Variants in FSTL5 observed in about 807,000 individuals in gnomAD.
FSTL5 encodes the protein follistatin-related protein 5.
FSTL5 carries 62 observed loss-of-function variants against 89.1 expected under a neutral mutation model. The ratio of observed to expected loss-of-function variants is 0.70; its 90% CI spans 0.57 to 0.86. FSTL5 has a LOEUF of 0.86. Ranked by LOEUF, FSTL5 falls within the 40% of genes least tolerant of loss-of-function variation. The probability of loss-of-function intolerance (pLI) is 0.00; values close to 1 mark genes in which losing one functional copy is unlikely to be tolerated. For missense variants in FSTL5, 1,057 were observed against 1,001.6 expected, an observed-to-expected ratio of 1.06 and a Z score of -0.75; for synonymous variants, 383 against 346.2, an observed-to-expected ratio of 1.11 and a Z score of -1.18.
At chr4:161,637,466 A>C (rs2126663625) in intron 7 of FSTL5, among the ~76,000 whole-genome samples, 1 of 151,462 alleles carries the variant, frequency 6.6e-6, no homozygotes, top group Admixed American at 6.6e-5. Flanking sequence ...TCTTTAGTTT[A>C]ATGAGATCTC....
chr4:161,744,279 G>C (rs1740120030), intron 6 of FSTL5, among the ~76,000 whole-genome samples: 3 of 151,996 alleles, frequency 2.0e-5, no homozygotes, highest in East Asian at 1.9e-4. Flanking sequence ...ACAAATGTAT[G>C]ATTATGATAT....
Position 161,678,047 on chromosome 4 carries a change from T to C in FSTL5, c.728-21553A>G, listed in dbSNP as rs1362468110. Among the ~76,000 whole-genome samples, 4 of 151,732 alleles carry C rather than the reference T, an allele frequency of 2.6e-5. No homozygotes were observed. The East Asian group carries it at 7.7e-4, about 29-fold the overall frequency. Reference sequence around the variant, plus strand: ...CTGCAATGGAATGATGAAAAAATAATAAACAAAAACTTCACTTTTCATAAG... The same window carrying C: ...CTGCAATGGAATGATGAAAAAATAACAAACAAAAACTTCACTTTTCATAAG... On this transcript the variant is annotated intron_variant, in intron 6 of 15. Transcript: ENST00000306100.
intron 4 of FSTL5, among the ~76,000 whole-genome samples, chr4:161,812,239 A>G (rs1278794339): frequency 2.0e-5 from 3 of 152,238 alleles, no homozygotes; most frequent in African/African-American, 7.2e-5. Flanking sequence ...GAAATACTGA[A>G]GCAAACATTC....
chr4:161,500,603 A>G (rs1180565264), intron 11 of FSTL5, among the ~76,000 whole-genome samples: 1 of 152,142 alleles, frequency 6.6e-6, no homozygotes, highest in East Asian at 1.9e-4. Context: ...CAAATGCCCT[A>G]GATTTTGTAG....
At chr4:162,163,212 T>C (rs62331355) in intron 1 of FSTL5, among the ~76,000 whole-genome samples, 63,529 of 151,922 alleles carry the variant, frequency 0.42, 14,410 homozygotes, top group Admixed American at 0.51. Context: ...TATTTGATTA[T>C]ATTTGTTCTA....
intron 7 of FSTL5, among the ~76,000 whole-genome samples, chr4:161,651,557 GAA>G (rs1217859682): frequency 6.6e-6 from 1 of 152,134 alleles, no homozygotes; most frequent in Admixed American, 6.5e-5. Context: ...GAAAGGGAAA[GAA>G]AGAGAAGAGA....
At chr4:161,578,196 T>G (rs548366214) in intron 8 of FSTL5, among the ~76,000 whole-genome samples, 62 of 142,214 alleles carry the variant, frequency 4.4e-4, no homozygotes, top group Admixed American at 2.1e-3. Flanking sequence ...GGACTTTAAG[T>G]AGCCAGTATA....
intron 10 of FSTL5, among the ~76,000 whole-genome samples, chr4:161,528,086 A>C (rs1362051752): frequency 1.4e-5 from 2 of 144,044 alleles, no homozygotes; most frequent in African/African-American, 5.2e-5. Flanking sequence ...ATAGGTGGGA[A>C]TTGAACAATG....
intron 3 of FSTL5, among the ~76,000 whole-genome samples, chr4:161,980,629 A>C (rs2111046611): frequency 6.6e-6 from 1 of 152,210 alleles, no homozygotes; most frequent in South Asian, 2.1e-4. Flanking sequence ...ATTAAGGGAA[A>C]GTGAGTAGTA....
intron 4 of FSTL5, among the ~76,000 whole-genome samples, chr4:161,817,852 T>C (rs971458199): frequency 2.0e-5 from 3 of 152,238 alleles, no homozygotes; most frequent in Non-Finnish European, 4.4e-5. Context: ...AATATTTATA[T>C]AGAAGTACTG....
At chr4:161,949,112 G>A (rs1041906772) in intron 3 of FSTL5, among the ~76,000 whole-genome samples, 2 of 152,128 alleles carry the variant, frequency 1.3e-5, no homozygotes, top group Non-Finnish European at 2.9e-5. Context: ...AGCTTCCACA[G>A]GCTGCCTGCA....
chr4:161,846,698 T>C (rs1354103056), intron 4 of FSTL5, among the ~76,000 whole-genome samples: 1 of 152,058 alleles, frequency 6.6e-6, no homozygotes, highest in Non-Finnish European at 1.5e-5. Flanking sequence ...GATAAGAAAA[T>C]TGAGGCACTG....
chr4:161,845,517 T>C (rs1731339936), intron 4 of FSTL5, among the ~76,000 whole-genome samples: 1 of 152,238 alleles, frequency 6.6e-6, no homozygotes, highest in Non-Finnish European at 1.5e-5. Context: ...TCACTAGACA[T>C]GAAAGAGTTC....
chr4:161,408,672 A>G (rs1731477667), intron 15 of FSTL5, among the ~76,000 whole-genome samples: 1 of 152,174 alleles, frequency 6.6e-6, no homozygotes, highest in African/African-American at 2.4e-5. Flanking sequence ...CAAGGAAGCC[A>G]ATCAATACAG....
At chr4:161,454,325 T>C (rs962549041) in intron 15 of FSTL5, among the ~76,000 whole-genome samples, 25 of 152,196 alleles carry the variant, frequency 1.6e-4, no homozygotes, top group African/African-American at 5.8e-4. Flanking sequence ...TACATAATAC[T>C]AAATATCATG....
At chr4:161,993,807 TTGTGTC>T (rs1367694189) in intron 3 of FSTL5, among the ~76,000 whole-genome samples, 1 of 152,164 alleles carries the variant, frequency 6.6e-6, no homozygotes, top group African/African-American at 2.4e-5. Flanking sequence ...GTCAATGTGT[TTGTGTC>T]TGTGTGTAAA....
rs78951216 is a variant in FSTL5, at chr4:161,617,435, G to A, written c.895-29860C>T. Among the ~76,000 whole-genome samples the A allele has an allele frequency of 6.3e-3, 957 of 152,142 alleles. 17 individuals carry two copies. Among genetic ancestry groups the A allele is most frequent in the South Asian group, 0.046 (222 of 4,822 alleles). On this transcript the variant is annotated intron_variant, in intron 7 of 15. Coordinates refer to ENST00000306100, the MANE Select transcript of FSTL5 (RefSeq NM_020116.5). ...AAACCTATGCAATTATAATACCAAA[G>A]GAGACAAAGATAAAATAGAGATAGA... is the stretch of plus-strand genomic sequence containing the variant.
chr4:161,967,561 C>G (rs183433518), intron 3 of FSTL5, among the ~76,000 whole-genome samples: 104 of 151,782 alleles, frequency 6.9e-4, no homozygotes, highest in African/African-American at 2.5e-3. Flanking sequence ...TATGAAATAA[C>G]TTTGTAAGTT....
At chr4:162,104,145 G>A (rs1387352859) in intron 2 of FSTL5, among the ~76,000 whole-genome samples, 1 of 152,224 alleles carries the variant, frequency 6.6e-6, no homozygotes, top group African/African-American at 2.4e-5. Context: ...GGTATCTGCT[G>A]TGCTCCTGAT....
Sources: allele counts gnomAD v4.1 joint callset (sites outside exome capture counted in the v4.1 genomes callset), GRCh38; gene constraint gnomAD v4.1.1; transcripts MANE v1.5; gene names NCBI Gene and HGNC (gene_info 2026-07-23, HGNC 2026-07-21).